CHEK1: variants seen among roughly 807,000 people sequenced by gnomAD.
The protein encoded by CHEK1 is checkpoint kinase 1, also known as serine/threonine-protein kinase Chk1.
In CHEK1, 32 loss-of-function variants were observed where a neutral mutation model predicts 60.2. That is an observed-to-expected ratio of 0.53 (90% confidence interval 0.40 to 0.71). The LOEUF (loss-of-function observed/expected upper bound fraction) is 0.71, where lower values mean the gene tolerates loss of function less well. Ranked by LOEUF, CHEK1 falls within the 30% of genes least tolerant of loss-of-function variation. The pLI, the probability that CHEK1 is intolerant of heterozygous loss-of-function variation, is 0.00. For missense variants in CHEK1, 399 were observed against 564.6 expected, an observed-to-expected ratio of 0.71 and a Z score of 2.97; for synonymous variants, 179 against 187.2, an observed-to-expected ratio of 0.96 and a Z score of 0.36.
chr11:125,631,736 G>C (rs756083374), intron 5 of CHEK1, among the ~76,000 whole-genome samples: 6 of 151,348 alleles, frequency 4.0e-5, no homozygotes, highest in Non-Finnish European at 7.4e-5. Context: ...TGCACACCTG[G>C]AGTCCCAGCT....
intron 10 of CHEK1, 71 bp from the exon 11 acceptor site, chr11:125,644,441 A>C: frequency 6.4e-7 from 1 of 1,551,236 alleles, no homozygotes; most frequent in Non-Finnish European, 8.7e-7. Flanking sequence ...TTTAAGTCAG[A>C]CTAAATAGCT....
At chr11:125,631,077 GA>G (rs796342355) in intron 5 of CHEK1, among the ~76,000 whole-genome samples, 78 of 152,104 alleles carry the variant, frequency 5.1e-4, no homozygotes, top group African/African-American at 1.8e-3. Context: ...TAAACATGGA[GA>G]AAAAAACATG....
At chr11:125,646,220 AATGGAATCATATAAC>A (rs1230671074) in intron 11 of CHEK1, among the ~76,000 whole-genome samples, 10 of 152,112 alleles carry the variant, frequency 6.6e-5, no homozygotes, top group Non-Finnish European at 2.9e-5. Flanking sequence ...ATTTTATATA[AATGGAATCATATAAC>A]ATGTAGTCCT....
chr11:125,634,026 C>G (rs1422244865), intron 6 of CHEK1, among the ~76,000 whole-genome samples: 2 of 127,682 alleles, frequency 1.6e-5, no homozygotes, highest in Non-Finnish European at 3.2e-5. Context: ...AGACCAGAGT[C>G]TTGCTCTGTC....
downstream of CHEK1, among the ~76,000 whole-genome samples, chr11:125,661,690 G>C (rs1326946128): frequency 6.6e-6 from 1 of 151,264 alleles, no homozygotes; most frequent in African/African-American, 2.4e-5. Flanking sequence ...TTTTTTGAGG[G>C]TTACTCTAGC....
chr11:125,659,790 A>C (rs1941979382), downstream of CHEK1, among the ~76,000 whole-genome samples: 1 of 152,162 alleles, frequency 6.6e-6, no homozygotes, highest in Non-Finnish European at 1.5e-5. Context: ...AAAGTTATGC[A>C]ACCATCACCA....
chr11:125,632,055 G>A (rs1239595105), intron 5 of CHEK1, among the ~76,000 whole-genome samples: 1 of 151,916 alleles, frequency 6.6e-6, no homozygotes, highest in Non-Finnish European at 1.5e-5. Context: ...ATCAATTTGT[G>A]TAAAAGGCCA....
rs1263124699 is a variant in CHEK1, at chr11:125,656,869, G to T, written c.*1549G>T. On this transcript the variant is annotated 3_prime_UTR_variant, in exon 13 of 13. Coordinates refer to ENST00000438015, the MANE Select transcript of CHEK1 (RefSeq NM_001114122.3). ...GCTGTGGGAATTTGTATAGAATGGTGGGAAAATTTCAAGTTTCATATTTGG... is the reference window on the plus strand; with the variant it reads ...GCTGTGGGAATTTGTATAGAATGGTTGGAAAATTTCAAGTTTCATATTTGG... 1 of 209,900 alleles carries T rather than the reference G, an allele frequency of 4.8e-6. No individual in the cohort carries two copies. Among genetic ancestry groups the T allele is most frequent in the Non-Finnish European group, 9.7e-6 (1 of 103,298 alleles). 13.0% of individuals were successfully genotyped at this position (209,900 alleles called of 1,614,324 possible).
chr11:125,673,307 C>T (rs1036192092), intron 13 of CHEK1, among the ~76,000 whole-genome samples: 5 of 151,642 alleles, frequency 3.3e-5, no homozygotes, highest in East Asian at 1.9e-4. Flanking sequence ...CAGGTTCAAG[C>T]GATTGTCCTC....
At chr11:125,679,766 T>TA (rs908292405), downstream of CHEK1, among the ~76,000 whole-genome samples, 1 of 152,208 alleles carries the variant, frequency 6.6e-6, no homozygotes, top group Non-Finnish European at 1.5e-5. Flanking sequence ...GATAGATATA[T>TA]TTTCTTGGCA....
At chr11:125,640,345 T>C (rs1317675291) in intron 8 of CHEK1, among the ~76,000 whole-genome samples, 1 of 151,870 alleles carries the variant, frequency 6.6e-6, no homozygotes, top group African/African-American at 2.4e-5. Flanking sequence ...ATCGAGACCA[T>C]CCTGGCTAAC....
downstream of CHEK1, chr11:125,677,878 G>C (rs770525306): frequency 3.1e-6 from 5 of 1,614,028 alleles, no homozygotes; most frequent in Non-Finnish European, 3.4e-6. Context: ...CCCGAGGCCT[G>C]CTCACCAGAA....
At chr11:125,670,010 G>A (rs1942173546) in intron 13 of CHEK1, among the ~76,000 whole-genome samples, 1 of 152,136 alleles carries the variant, frequency 6.6e-6, no homozygotes, top group African/African-American at 2.4e-5. Flanking sequence ...ATGTTCCACA[G>A]TTCACTGAAG....
chr11:125,673,659 A>G (rs995406545), intron 13 of CHEK1, among the ~76,000 whole-genome samples: 6 of 152,218 alleles, frequency 3.9e-5, no homozygotes, highest in Non-Finnish European at 1.5e-5. Context: ...AAGGGCATCT[A>G]AAACTTACTA....
At chr11:125,643,087 TATC>T (rs1941364244) in intron 8 of CHEK1, 1 of 152,126 alleles carries the variant, frequency 6.6e-6, no homozygotes, top group Non-Finnish European at 1.5e-5. Flanking sequence ...TTATTGCTAT[TATC>T]ATAAATTATT....
chr11:125,654,738 T>G (rs1281228465), intron 12 of CHEK1, among the ~76,000 whole-genome samples: 1 of 152,220 alleles, frequency 6.6e-6, no homozygotes, highest in Non-Finnish European at 1.5e-5. Flanking sequence ...GCAGTACTCT[T>G]TGTATTAGAG....
At chr11:125,650,460 T>TTTTTG (rs1941678123) in intron 11 of CHEK1, among the ~76,000 whole-genome samples, 1 of 138,162 alleles carries the variant, frequency 7.2e-6, no homozygotes, top group African/African-American at 2.5e-5. Context: ...TGGTGTTTGT[T>TTTTTG]TTTTTTTTTT....
At chr11:125,661,289 T>G (rs889687693), downstream of CHEK1, among the ~76,000 whole-genome samples, 1 of 152,068 alleles carries the variant, frequency 6.6e-6, no homozygotes, top group African/African-American at 2.4e-5. Context: ...ATTTTTTTTT[T>G]GCCTTAAAAA....
intron 11 of CHEK1, among the ~76,000 whole-genome samples, chr11:125,649,170 C>A (rs1233642617): frequency 5.3e-5 from 8 of 152,086 alleles, no homozygotes; most frequent in African/African-American, 1.9e-4. Context: ...AGCTCACCAG[C>A]TATCTTGTGT....
Sources: allele counts gnomAD v4.1 joint callset (sites outside exome capture counted in the v4.1 genomes callset), GRCh38; gene constraint gnomAD v4.1.1; transcripts MANE v1.5; gene names NCBI Gene and HGNC (gene_info 2026-07-23, HGNC 2026-07-21).